KCNAB1: variants seen among roughly 807,000 people sequenced by gnomAD.
KCNAB1 encodes potassium voltage-gated channel subfamily A regulatory beta subunit 1.
Under a neutral mutation model 64.6 loss-of-function variants are expected in KCNAB1, and 35 were observed. That is an observed-to-expected ratio of 0.54 (90% CI 0.41 to 0.72). The LOEUF (loss-of-function observed/expected upper bound fraction) is 0.72, where lower values mean the gene tolerates loss of function less well. KCNAB1 is among the 30% of genes least tolerant of loss of function. The probability of loss-of-function intolerance (pLI) is 0.00; values close to 1 mark genes in which losing one functional copy is unlikely to be tolerated. For synonymous variants in KCNAB1, 177 were observed against 183.8 expected (o/e 0.96, Z 0.30); for missense variants, 401 against 512.9 (o/e 0.78, Z 2.11).
intron 1 of KCNAB1, among the ~76,000 whole-genome samples, chr3:156,215,006 T>C (rs555897182): frequency 6.6e-6 from 1 of 152,324 alleles, no homozygotes; most frequent in Non-Finnish European, 1.5e-5. Flanking sequence ...TACCTATGAG[T>C]TAATTGTTAA....
chr3:156,326,935 G>A (rs1400657041), intron 1 of KCNAB1, among the ~76,000 whole-genome samples: 3 of 152,054 alleles, frequency 2.0e-5, no homozygotes, highest in Non-Finnish European at 4.4e-5. Flanking sequence ...ATAATTAAGA[G>A]TAGAAACAAC....
intron 12 of KCNAB1, among the ~76,000 whole-genome samples, chr3:156,530,439 G>A (rs759453901): frequency 6.6e-6 from 1 of 152,180 alleles, no homozygotes; most frequent in Non-Finnish European, 1.5e-5. Context: ...AGGGGTTGAT[G>A]GGATGGTTTA....
intron 1 of KCNAB1, among the ~76,000 whole-genome samples, chr3:156,226,402 A>G (rs1462569837): frequency 6.6e-6 from 1 of 152,206 alleles, no homozygotes; most frequent in Non-Finnish European, 1.5e-5. Flanking sequence ...ACCTCATACA[A>G]AAATCAACTC....
intron 2 of KCNAB1, among the ~76,000 whole-genome samples, chr3:156,445,036 G>C (rs537597039): frequency 2.0e-5 from 3 of 152,224 alleles, no homozygotes; most frequent in Non-Finnish European, 1.5e-5. Context: ...TGTGGCTCAC[G>C]CCTGTAATAC....
At chr3:156,281,171 TGA>T (rs1409258324) in intron 1 of KCNAB1, among the ~76,000 whole-genome samples, 1 of 146,814 alleles carries the variant, frequency 6.8e-6, no homozygotes, top group African/African-American at 2.5e-5. Flanking sequence ...GTTTTTAGCA[TGA>T]AGGGTTGTTG....
chr3:156,238,379 G>A (rs917428497), intron 1 of KCNAB1, among the ~76,000 whole-genome samples: 4 of 138,872 alleles, frequency 2.9e-5, no homozygotes, highest in East Asian at 2.1e-4. Flanking sequence ...CCGAGATCAC[G>A]CCACTGCACT....
intron 1 of KCNAB1, among the ~76,000 whole-genome samples, chr3:156,318,998 A>G (rs766309939): frequency 5.9e-5 from 9 of 152,182 alleles, no homozygotes; most frequent in Non-Finnish European, 8.8e-5. Context: ...CTTCCTTCAT[A>G]CCTTGCTGTT....
chr3:156,206,647 A>G (rs1237142015), intron 1 of KCNAB1, among the ~76,000 whole-genome samples: 1 of 152,232 alleles, frequency 6.6e-6, no homozygotes, highest in African/African-American at 2.4e-5. Context: ...AGCATAGGTA[A>G]AGTTTGTTTA....
chr3:156,533,357 C>T (rs1718834023), intron 13 of KCNAB1, among the ~76,000 whole-genome samples: 1 of 152,144 alleles, frequency 6.6e-6, no homozygotes, highest in Non-Finnish European at 1.5e-5. Flanking sequence ...CAGGAAAGTG[C>T]ATTCCAGGGA....
chr3:156,318,062 A>G (rs1223629638), intron 1 of KCNAB1, among the ~76,000 whole-genome samples: 1 of 152,196 alleles, frequency 6.6e-6, no homozygotes, highest in East Asian at 1.9e-4. Context: ...CCTGCTTTAA[A>G]AGCAGTGACA....
chr3:156,175,497 G>A (rs1712296837), intron 1 of KCNAB1, among the ~76,000 whole-genome samples: 1 of 152,174 alleles, frequency 6.6e-6, no homozygotes, highest in African/African-American at 2.4e-5. Context: ...GCAGGTGCCT[G>A]TAGTCCCAGC....
intron 1 of KCNAB1, among the ~76,000 whole-genome samples, chr3:156,224,375 A>G (rs1034738578): frequency 2.6e-4 from 39 of 152,358 alleles, no homozygotes; most frequent in African/African-American, 9.4e-4. Context: ...AGGCTCCCAC[A>G]GTGCAGCGGC....
intron 5 of KCNAB1, 168 bp downstream of exon 5, chr3:156,460,039 T>A (rs2272114): frequency 1.9e-6 from 1 of 534,258 alleles, no homozygotes; most frequent in Non-Finnish European, 3.3e-6. Context: ...AGTTCACTTC[T>A]GGAGCTTCAA....
Position 156,465,346 on chromosome 3 carries a change from G to T in KCNAB1, c.528-297G>T, listed in dbSNP as rs76403619. Among the ~76,000 whole-genome samples, 683 of 152,266 alleles carry T rather than the reference G, an allele frequency of 4.5e-3. 5 individuals are homozygous for T. Among genetic ancestry groups the T allele is most frequent in the African/African-American group, 0.016 (661 of 41,572 alleles). ...GATTGGTTAAGAACAAGGTGAAAAG[G>T]TCGTACAGTGTCTTGAGTTAAATAT... On this transcript the variant is annotated intron_variant, in intron 6 of 13. Coordinates refer to ENST00000490337, the MANE Select transcript of KCNAB1 (RefSeq NM_172160.3).
At chr3:156,477,308 G>A (rs1286849790) in intron 8 of KCNAB1, among the ~76,000 whole-genome samples, 1 of 152,122 alleles carries the variant, frequency 6.6e-6, no homozygotes, top group Non-Finnish European at 1.5e-5. Context: ...ATTCCACAAA[G>A]CGGAATGGGA....
chr3:156,342,890 C>T (rs866932412), intron 1 of KCNAB1, among the ~76,000 whole-genome samples: 28 of 152,074 alleles, frequency 1.8e-4, no homozygotes, highest in African/African-American at 6.5e-4. Context: ...AAGAATTCTT[C>T]CTGAGCACAT....
chr3:156,311,479 G>A (rs1462554650), intron 1 of KCNAB1, among the ~76,000 whole-genome samples: 1 of 152,196 alleles, frequency 6.6e-6, no homozygotes, highest in Non-Finnish European at 1.5e-5. Context: ...TAGGTCGTGG[G>A]TGAATGAAGT....
chr3:156,360,016 G>A (rs1725498141), intron 1 of KCNAB1, among the ~76,000 whole-genome samples: 1 of 152,050 alleles, frequency 6.6e-6, no homozygotes. Context: ...GTTTGTGTGA[G>A]GATTAAACAA....
At chr3:156,305,519 T>C (rs2107995505) in intron 1 of KCNAB1, among the ~76,000 whole-genome samples, 1 of 152,348 alleles carries the variant, frequency 6.6e-6, no homozygotes, top group East Asian at 1.9e-4. Context: ...ACATTCACGA[T>C]GGGCTTCTTT....
Sources: gnomAD v4.1 joint callset for allele counts (sites outside exome capture counted in the v4.1 genomes callset) on GRCh38, gnomAD v4.1.1 for gene constraint, MANE v1.5 for transcripts, NCBI Gene and HGNC (gene_info 2026-07-23, HGNC 2026-07-21) for gene names.